The following BCL2 variants were observed in gnomAD, a reference collection of about 807,000 sequenced individuals.
BCL2 encodes the protein BCL2 apoptosis regulator.
In BCL2, 1 loss-of-function variant was observed where a neutral mutation model predicts 14.2. The ratio of observed to expected loss-of-function variants is 0.07; its 90% CI spans 0.02 to 0.33. The LOEUF is 0.33. Among genes scored for constraint, BCL2 ranks in the 10% least tolerant of loss-of-function variants. The pLI is 0.99. For missense variants in BCL2, 247 were observed against 305.9 expected (o/e 0.81, Z 1.44); for synonymous variants, 151 against 137.2 (o/e 1.10, Z -0.70).
chr18:63,212,288 A>G (rs1483732857), intron 2 of BCL2, among the ~76,000 whole-genome samples: 1 of 151,702 alleles, frequency 6.6e-6, no homozygotes, highest in Non-Finnish European at 1.5e-5. Context: ...AGAGCATGCC[A>G]CTGCACTCCA....
At chr18:63,306,468 C>T (rs1913138596) in intron 2 of BCL2, among the ~76,000 whole-genome samples, 1 of 152,198 alleles carries the variant, frequency 6.6e-6, no homozygotes, top group African/African-American at 2.4e-5. Context: ...CTTTCTGACC[C>T]ACCCACTTGC....
chr18:63,311,673 G>C (rs934094665), intron 2 of BCL2, among the ~76,000 whole-genome samples: 1 of 152,120 alleles, frequency 6.6e-6, no homozygotes, highest in Non-Finnish European at 1.5e-5. Flanking sequence ...GGCAAAACAA[G>C]AAGCAGAATG....
At position 63,185,411 on chromosome 18, in the gene BCL2, T is replaced by TA. The variant is rs966310314; in HGVS notation, c.586-56653dup. On this transcript the variant is annotated intron_variant, in intron 2 of 2. Coordinates refer to ENST00000333681, the MANE Select transcript of BCL2 (RefSeq NM_000633.3). ...CAAAGTGCTTGACATACAGAGATGCTAAAAAAAGTGTCCTTACAAATATCC... is the reference window on the plus strand; with the variant it reads ...CAAAGTGCTTGACATACAGAGATGCTAAAAAAAAGTGTCCTTACAAATATCC... Among the ~76,000 whole-genome samples, 9 of 152,080 alleles carry TA rather than the reference T, an allele frequency of 5.9e-5. No homozygotes were observed. The East Asian group carries it at 1.5e-3, about 26-fold the overall frequency.
intron 2 of BCL2, among the ~76,000 whole-genome samples, chr18:63,198,345 C>T (rs1224249891): frequency 2.0e-4 from 30 of 150,206 alleles, no homozygotes; most frequent in Admixed American, 1.6e-3. Flanking sequence ...CACACAGACA[C>T]AGAGACACAC....
At chr18:63,313,322 AATCCTGCTTAGAC>A in intron 2 of BCL2, among the ~76,000 whole-genome samples, 1 of 152,336 alleles carries the variant, frequency 6.6e-6, no homozygotes, top group South Asian at 2.1e-4. Flanking sequence ...TTTCATCATT[AATCCTGCTTAGAC>A]ATCAAACATT....
In BCL2 at chr18:63,128,572, T is replaced by G; in HGVS notation, c.*53A>C. ...TACATCACTGACAATGCATATTATT[T>G]CTACTGCTTTAGTGAACCTTTTGCA... On this transcript the variant is annotated 3_prime_UTR_variant, in exon 3 of 3. Coordinates refer to ENST00000333681, the MANE Select transcript of BCL2 (RefSeq NM_000633.3). 1 of 766,924 alleles carries G rather than the reference T, an allele frequency of 1.3e-6. No homozygotes were observed. Among genetic ancestry groups the G allele is most frequent in the Non-Finnish European group, 2.4e-6 (1 of 409,578 alleles). 47.5% of individuals were successfully genotyped at this position (766,924 alleles called of 1,614,324 possible). A position where few individuals can be genotyped will look rare whatever the true frequency, so the allele number is the denominator to read the frequency against.
At chr18:63,248,858 T>G (rs1013221595) in intron 2 of BCL2, among the ~76,000 whole-genome samples, 4 of 152,232 alleles carry the variant, frequency 2.6e-5, no homozygotes, top group African/African-American at 4.8e-5. Context: ...GCACATTCAC[T>G]GGGTTGAGTC....
chr18:63,229,192 TTTTA>T (rs1235579683), intron 2 of BCL2, among the ~76,000 whole-genome samples: 2 of 152,124 alleles, frequency 1.3e-5, no homozygotes, highest in African/African-American at 4.8e-5. Flanking sequence ...TTTATTTATA[TTTTA>T]TTTTTTATGT....
intron 2 of BCL2, among the ~76,000 whole-genome samples, chr18:63,200,846 C>T (rs2144663844): frequency 6.6e-6 from 1 of 152,214 alleles, no homozygotes; most frequent in East Asian, 1.9e-4. Flanking sequence ...TGGTCTTGAA[C>T]TCCTGGGCTC....
intron 2 of BCL2, among the ~76,000 whole-genome samples, chr18:63,190,123 C>T (rs113899597): frequency 6.6e-6 from 1 of 151,964 alleles, no homozygotes; most frequent in African/African-American, 2.4e-5. Context: ...TCACACTGAG[C>T]GAAAGAATAG....
chr18:63,315,718 T>G lies in BCL2; in HGVS notation c.585+2364A>C, dbSNP rs1409735877. The G allele has an allele frequency of 7.2e-5, 11 of 152,316 alleles. 1 individual carries two copies. The Middle Eastern group carries it at 0.01, about 141-fold the overall frequency. 9.4% of individuals were successfully genotyped at this position (152,316 alleles called of 1,614,324 possible). Reference sequence around the variant, plus strand: ...GATGTAACCCCAATTGGTGTAAATGTGAAGAAAATCTGTCTGTATGCCAAA... The same window carrying G: ...GATGTAACCCCAATTGGTGTAAATGGGAAGAAAATCTGTCTGTATGCCAAA... On this transcript the variant is annotated intron_variant, in intron 2 of 2. Transcript: ENST00000333681.
intron 2 of BCL2, among the ~76,000 whole-genome samples, chr18:63,209,648 C>T (rs539637547): frequency 1.4e-4 from 22 of 152,016 alleles, no homozygotes; most frequent in Middle Eastern, 3.4e-3. Context: ...AAATGGGAGA[C>T]GTGTCAGGCC....
At chr18:63,200,727 C>T (rs2144663738) in intron 2 of BCL2, among the ~76,000 whole-genome samples, 1 of 152,290 alleles carries the variant, frequency 6.6e-6, no homozygotes, top group Non-Finnish European at 1.5e-5. Flanking sequence ...AACTCATCAA[C>T]TCCTGGGAAA....
At chr18:63,168,884 G>A (rs1915112210) in intron 2 of BCL2, among the ~76,000 whole-genome samples, 1 of 152,208 alleles carries the variant, frequency 6.6e-6, no homozygotes, top group Admixed American at 6.5e-5. Context: ...TCCAAAGTGG[G>A]GAGCCATTCT....
At chr18:63,142,851 G>T (rs931362050) in intron 2 of BCL2, among the ~76,000 whole-genome samples, 4 of 152,226 alleles carry the variant, frequency 2.6e-5, no homozygotes, top group African/African-American at 7.2e-5. Flanking sequence ...GACTCAACAT[G>T]AATAAAACCA....
intron 2 of BCL2, among the ~76,000 whole-genome samples, chr18:63,253,677 T>C (rs1911381774): frequency 6.6e-6 from 1 of 152,214 alleles, no homozygotes. Flanking sequence ...TACATATGAA[T>C]AGTTGAATCA....
chr18:63,215,886 GA>G (rs1910185684), intron 2 of BCL2, among the ~76,000 whole-genome samples: 2 of 151,966 alleles, frequency 1.3e-5, no homozygotes, highest in African/African-American at 4.8e-5. Flanking sequence ...GGTACTATTG[GA>G]AATATGTACA....
intron 2 of BCL2, among the ~76,000 whole-genome samples, chr18:63,214,713 T>G (rs1010598390): frequency 6.6e-6 from 1 of 152,046 alleles, no homozygotes; most frequent in African/African-American, 2.4e-5. Context: ...ATTTATTTAT[T>G]TATTTATCTA....
intron 2 of BCL2, among the ~76,000 whole-genome samples, chr18:63,139,215 G>T (rs1298513715): frequency 6.6e-6 from 1 of 152,206 alleles, no homozygotes; most frequent in Non-Finnish European, 1.5e-5. Flanking sequence ...CTGCAAGAAG[G>T]TGTGGTCAGT....
Sources: allele counts gnomAD v4.1 joint callset (sites outside exome capture counted in the v4.1 genomes callset), GRCh38; gene constraint gnomAD v4.1.1; transcripts MANE v1.5; gene names NCBI Gene and HGNC (gene_info 2026-07-23, HGNC 2026-07-21).